The following SH3RF3 variants were observed in gnomAD, a reference collection of about 807,000 sequenced individuals.
The protein encoded by SH3RF3 is E3 ubiquitin-protein ligase SH3RF3.
Under a neutral mutation model 66.3 loss-of-function variants are expected in SH3RF3, and 29 were observed. That is an observed-to-expected ratio of 0.44 (90% CI 0.33 to 0.60). The LOEUF (loss-of-function observed/expected upper bound fraction) is 0.60, where lower values mean the gene tolerates loss of function less well. Among genes scored for constraint, SH3RF3 ranks in the 20% least tolerant of loss-of-function variants. The pLI is 0.04. For missense variants in SH3RF3, 1,194 were observed against 1,190.9 expected, an observed-to-expected ratio of 1.00 and a Z score of -0.04; for synonymous variants, 583 against 532.0, an observed-to-expected ratio of 1.10 and a Z score of -1.32.
At chr2:109,275,303 A>G (rs1270244819) in intron 1 of SH3RF3, among the ~76,000 whole-genome samples, 2 of 152,160 alleles carry the variant, frequency 1.3e-5, no homozygotes, top group Non-Finnish European at 2.9e-5. Context: ...CTAGAGGCAC[A>G]CCAGGGGAAA....
chr2:109,379,786 G>C (rs1026465415), intron 3 of SH3RF3, among the ~76,000 whole-genome samples: 1 of 152,020 alleles, frequency 6.6e-6, no homozygotes, highest in Non-Finnish European at 1.5e-5. Flanking sequence ...GGTGAAGCCC[G>C]GTCATTGCCA....
chr2:109,188,088 A>G (rs941271630), intron 1 of SH3RF3, among the ~76,000 whole-genome samples: 4 of 152,230 alleles, frequency 2.6e-5, no homozygotes, highest in African/African-American at 4.8e-5. Flanking sequence ...CGAACTGCAG[A>G]TGTGTGCTCT....
At chr2:109,184,493 G>T (rs1256270584) in intron 1 of SH3RF3, among the ~76,000 whole-genome samples, 1 of 152,170 alleles carries the variant, frequency 6.6e-6, no homozygotes, top group Non-Finnish European at 1.5e-5. Context: ...CCGTGGGTCT[G>T]CTCACTGCTC....
intron 3 of SH3RF3, among the ~76,000 whole-genome samples, chr2:109,375,877 G>A (rs561472747): frequency 2.0e-5 from 3 of 152,348 alleles, no homozygotes; most frequent in Admixed American, 2.0e-4. Context: ...GCAGTTCAGG[G>A]CGATGCGGGC....
At chr2:109,170,614 C>T (rs1349148353) in intron 1 of SH3RF3, among the ~76,000 whole-genome samples, 3 of 152,048 alleles carry the variant, frequency 2.0e-5, no homozygotes, top group African/African-American at 4.8e-5. Flanking sequence ...CCACCCAAAG[C>T]GCTGGGATTA....
intron 1 of SH3RF3, among the ~76,000 whole-genome samples, chr2:109,138,950 C>T (rs561756645): frequency 6.6e-6 from 1 of 152,298 alleles, no homozygotes; most frequent in South Asian, 2.1e-4. Flanking sequence ...AACAAATAGC[C>T]AATAGGTATC....
chr2:109,313,310 G>A (rs1437424162), intron 1 of SH3RF3, among the ~76,000 whole-genome samples: 1 of 152,234 alleles, frequency 6.6e-6, no homozygotes, highest in Non-Finnish European at 1.5e-5. Context: ...CCCAAGGGGG[G>A]AGGCTGGCAT....
At chr2:109,225,693 G>A (rs1421236075) in intron 1 of SH3RF3, among the ~76,000 whole-genome samples, 1 of 152,256 alleles carries the variant, frequency 6.6e-6, no homozygotes, top group Non-Finnish European at 1.5e-5. Context: ...GAACAGAGAG[G>A]AGAGCAGGTG....
intron 1 of SH3RF3, among the ~76,000 whole-genome samples, chr2:109,277,269 C>T (rs1680778516): frequency 6.6e-6 from 1 of 152,176 alleles, no homozygotes; most frequent in Non-Finnish European, 1.5e-5. Flanking sequence ...GTACAGGAAC[C>T]TGGATGTGAC....
chr2:109,249,537 TTCCTTCCTTCCTTCC>T (rs1558981520), intron 1 of SH3RF3, among the ~76,000 whole-genome samples: 20 of 97,038 alleles, frequency 2.1e-4, no homozygotes, highest in Admixed American at 4.0e-4. Flanking sequence ...CTTTCTTTCC[TTCCTTCCTTCCTTCC>T]TTCCTTCCTT....
At chr2:109,411,468 G>T (rs1676587089) in intron 4 of SH3RF3, among the ~76,000 whole-genome samples, 1 of 152,164 alleles carries the variant, frequency 6.6e-6, no homozygotes, top group South Asian at 2.1e-4. Flanking sequence ...TCAGTGGGAG[G>T]ACCCCTGACC....
rs57651150 is a variant in SH3RF3 at position 109,502,752 on chromosome 2, C to A, written c.*1081C>A. On this transcript the variant is annotated 3_prime_UTR_variant, in exon 10 of 10. Coordinates refer to ENST00000309415, the MANE Select transcript of SH3RF3 (RefSeq NM_001099289.3). ...CGGTAGAAGGAGCACGCAGGTCAAC[C>A]CCAGCCGGGAAGGCAAAATCTTCCC... 1 of 152,240 alleles carries A rather than the reference C, an allele frequency of 6.6e-6. No homozygotes were observed. The highest frequency in any genetic ancestry group is 1.5e-5 in the Non-Finnish European group (1 of 68,038). The allele number at this position is 152,240 out of a possible 1,614,324, so 9.4% of individuals were successfully genotyped here. A position where few individuals can be genotyped will look rare whatever the true frequency, so the allele number is the denominator to read the frequency against.
rs1354404370 is a variant in SH3RF3 at position 109,220,144 on chromosome 2, T to C, written c.573+90031T>C. On this transcript the variant is annotated intron_variant, in intron 1 of 9. Transcript: ENST00000309415. ...GTCACATGTATGGTCCATTGGTTTTTCAACAAAGAAGCCAAGATCAGTCAA... is the reference window on the plus strand; with the variant it reads ...GTCACATGTATGGTCCATTGGTTTTCCAACAAAGAAGCCAAGATCAGTCAA... 3.3e-5 allele frequency among the ~76,000 whole-genome samples: 5 copies of C among 152,360 alleles called. No individual in the cohort carries two copies. In the East Asian group the frequency reaches 5.8e-4, roughly 18 times the overall value.
At chr2:109,377,800 C>T (rs149684166) in intron 3 of SH3RF3, among the ~76,000 whole-genome samples, 1 of 152,166 alleles carries the variant, frequency 6.6e-6, no homozygotes, top group East Asian at 1.9e-4. Flanking sequence ...TCCTCCTGCT[C>T]CTGTAGCACC....
chr2:109,157,803 A>T (rs569277956), intron 1 of SH3RF3, among the ~76,000 whole-genome samples: 1 of 152,172 alleles, frequency 6.6e-6, no homozygotes, highest in Non-Finnish European at 1.5e-5. Context: ...GGACACCTTT[A>T]TCAGGATTGA....
rs559382253 is a variant in SH3RF3 at position 109,477,489 on chromosome 2, C to T, written c.2149-13116C>T. On this transcript the variant is annotated intron_variant, in intron 8 of 9. Transcript: ENST00000309415. ...AGCTGTGGGCTGAGAGGCCCCCTCC[C>T]GCCAGACACATGCTGAGGTGAGACC... Among the ~76,000 whole-genome samples the T allele has an allele frequency of 5.3e-5, 8 of 152,318 alleles. No homozygotes were observed. The South Asian group carries it at 1.4e-3, about 28-fold the overall frequency.
At chr2:109,417,224 G>C (rs1215613725) in intron 4 of SH3RF3, among the ~76,000 whole-genome samples, 5 of 152,208 alleles carry the variant, frequency 3.3e-5, no homozygotes, top group East Asian at 1.9e-4. Flanking sequence ...TGAGGTGACA[G>C]CTTCTCCTTC....
At chr2:109,209,297 G>A (rs1574505530) in intron 1 of SH3RF3, among the ~76,000 whole-genome samples, 1 of 152,182 alleles carries the variant, frequency 6.6e-6, no homozygotes, top group East Asian at 1.9e-4. Context: ...CTGCGCGGGT[G>A]ATTTTGGTGA....
At chr2:109,348,080 T>G in intron 2 of SH3RF3, 131 bp downstream of exon 2, 1 of 1,277,036 alleles carries the variant, frequency 7.8e-7, no homozygotes, top group Non-Finnish European at 1.1e-6. Context: ...CCCGGAACCC[T>G]GGGCAAATGA....
Sources: gnomAD v4.1 joint callset for allele counts (sites outside exome capture counted in the v4.1 genomes callset) on GRCh38, gnomAD v4.1.1 for gene constraint, MANE v1.5 for transcripts, NCBI Gene and HGNC (gene_info 2026-07-23, HGNC 2026-07-21) for gene names.